The following PIK3R2 variants were observed in gnomAD, a reference collection of about 807,000 sequenced individuals.
The protein encoded by PIK3R2 is phosphatidylinositol 3-kinase regulatory subunit beta.
PIK3R2 carries 40 observed loss-of-function variants against 78.5 expected under a neutral mutation model. The observed-to-expected ratio is 0.51, with a 90% CI of 0.40 to 0.66. The LOEUF is 0.66. Among genes scored for constraint, PIK3R2 ranks in the 30% least tolerant of loss-of-function variants. The pLI, the probability that PIK3R2 is intolerant of heterozygous loss-of-function variation, is 0.00. For synonymous variants in PIK3R2, 473 were observed against 457.7 expected (o/e 1.03, Z -0.43); for missense variants, 880 against 1,026.6 (o/e 0.86, Z 1.95).
At chr19:18,157,235 A>G (rs1195191212) in intron 2 of PIK3R2, among the ~76,000 whole-genome samples, 1 of 152,210 alleles carries the variant, frequency 6.6e-6, no homozygotes, top group Non-Finnish European at 1.5e-5. Flanking sequence ...TCCAGGGCCC[A>G]GGCCTGCGTC....
Position 18,163,296 on chromosome 19 carries a change from G to A in PIK3R2, c.1324G>A (p.Val442Met), listed in dbSNP as rs2043772122. The A allele has an allele frequency of 6.2e-7, 1 of 1,614,118 alleles. No individual in the cohort carries two copies. Among genetic ancestry groups the A allele is most frequent in the South Asian group, 1.1e-5 (1 of 91,078 alleles). ...QIVKEDSVEA[V>M]GAQLKVYHQQ... ...TGTCAAGGAGGACAGCGTGGAGGCA[G>A]TGGGCGCCCAGCTTAAGGTCTATCA... Residue 442 changes from valine to methionine, a missense_variant, in exon 11 of 16, where the codon GTG becomes ATG. Coordinates refer to ENST00000222254, the MANE Select transcript of PIK3R2 (RefSeq NM_005027.4).
rs2043748698 is a variant in PIK3R2, at chr19:18,161,669, C to CAG, written c.815+176_815+177dup. 6.6e-6 allele frequency among the ~76,000 whole-genome samples: 1 copy of CAG among 152,180 alleles called. No homozygotes were observed. The highest frequency in any genetic ancestry group is 2.4e-5 in the African/African-American group (1 of 41,446). ...AGACCTGGGCTCCTGAGTCGTGGGA[C>CAG]AGAAGGTGAAGGGGCCTAGTCCCGA... On this transcript the variant is annotated intron_variant, in intron 6 of 15. Transcript: ENST00000222254. This position sits in a 1 kb window ranked among gnomAD's most constrained non-coding sequence, Gnocchi z 5.3.
rs1378344136 is a variant in PIK3R2, at chr19:18,161,775, T to C, written c.816-191T>C. 6.6e-6 allele frequency among the ~76,000 whole-genome samples: 1 copy of C among 152,162 alleles called. No homozygotes were observed. The highest frequency in any genetic ancestry group is 1.5e-5 in the Non-Finnish European group (1 of 68,018). ...TCTCTCGCTCGCCTTTGTGTGAGAA[T>C]CTATGGAGCACTTACTGCATACAGC... On this transcript the variant is annotated intron_variant, in intron 6 of 15. Transcript: ENST00000222254. This position sits in a 1 kb window ranked among gnomAD's most constrained non-coding sequence, Gnocchi z 5.3.
At chr19:18,159,587 G>A (rs1054424583) in intron 2 of PIK3R2, among the ~76,000 whole-genome samples, 3 of 149,384 alleles carry the variant, frequency 2.0e-5, no homozygotes, top group Non-Finnish European at 4.5e-5. Flanking sequence ...TTACAGGTGC[G>A]CACCACCACA....
Position 18,166,275 on chromosome 19 carries a change from G to A in PIK3R2, c.1532G>A (p.Arg511His), listed in dbSNP as rs566152147. Residue 511 changes from arginine to histidine, a missense_variant, in exon 12 of 16, where the codon CGT becomes CAT. Around this residue, in one of 3 missense-constraint regions of PIK3R2, gnomAD observed 156 missense variants for 241.0 expected, o/e 0.65. Coordinates refer to ENST00000222254, the MANE Select transcript of PIK3R2 (RefSeq NM_005027.4). ...CSKEYLERFR[R>H]EGNEKEMQRI... ...AAGGAATACCTGGAGCGCTTCCGGC[G>A]TGAGGGCAACGAGAAAGAGATGCAA... The A allele has an allele frequency of 1.9e-5, 30 of 1,614,028 alleles. No individual in the cohort carries two copies. Among genetic ancestry groups the A allele is most frequent in the Admixed American group, 8.3e-5 (5 of 60,000 alleles).
Position 18,155,967 on chromosome 19 carries a change from G to T in PIK3R2, c.88G>T (p.Val30Leu). The T allele has an allele frequency of 6.4e-7, 1 of 1,565,742 alleles. No individual in the cohort carries two copies. Among genetic ancestry groups the T allele is most frequent in the Non-Finnish European group, 8.7e-7 (1 of 1,155,690 alleles). The change falls in exon 2 of 16, where the codon GTG (valine) becomes TTG (leucine). Residue 30 changes from valine (V) to leucine (L), a missense_variant. This residue lies in a region of PIK3R2 where 456 missense variants were observed against 486.6 expected (regional missense o/e 0.94). Coordinates refer to ENST00000222254, the MANE Select transcript of PIK3R2 (RefSeq NM_005027.4). ...PEDLELLPGD[V>L]LVVSRAALQA... ...GGACCTGGAGCTGCTGCCCGGCGAC[G>T]TGCTGGTAGTGAGCCGGGCGGCCTT...
intron 2 of PIK3R2, among the ~76,000 whole-genome samples, chr19:18,159,144 CTTTTTT>C (rs57543686): frequency 4.0e-5 from 2 of 50,054 alleles, no homozygotes; most frequent in South Asian, 8.8e-4. Context: ...GCCTGGCCTC[CTTTTTT>C]TTTTTTTTTT....
rs1441575963 is a variant in PIK3R2, at chr19:18,162,460, C to T, written c.1063C>T (p.Arg355Ter). Residue 355 changes from arginine (R) to a stop codon, truncating the protein, a stop_gained, in exon 9 of 16, where the codon CGA becomes TGA. Transcript: ENST00000222254. LOFTEE classifies it high-confidence loss of function. ...CACTCCCGATGGCACCTTCCTAGTCCGAGATGCTTCTAGCAAGATCCAGGG... is the reference window on the plus strand; with the variant it reads ...CACTCCCGATGGCACCTTCCTAGTCTGAGATGCTTCTAGCAAGATCCAGGG... The part of the protein sequence containing the change: ...RDTPDGTFLV[R>*]DASSKIQGEY... The T allele has an allele frequency of 1.2e-6, 2 of 1,613,500 alleles. No individual in the cohort carries two copies. Among genetic ancestry groups the T allele is most frequent in the Non-Finnish European group, 8.5e-7 (1 of 1,179,986 alleles).
Position 18,161,432 on chromosome 19 carries a change from GGCC to G in PIK3R2, c.755_757del (p.Pro252del). 1 of 1,212,674 alleles carries G rather than the reference GGCC, an allele frequency of 8.2e-7. No individual in the cohort carries two copies. The highest frequency in any genetic ancestry group is 1.0e-6 in the Non-Finnish European group (1 of 977,888). 75.1% of individuals were successfully genotyped at this position (1,212,674 alleles called of 1,614,324 possible). The stretch of plus-strand genomic sequence containing the variant: ...GTCCGGGCCCTGGGCGCCACCTTTG[GGCC>G]GCTGCTGCTGCGCGCGCCGCCGCCG... On this transcript the variant is annotated inframe_deletion, in exon 6 of 16. Transcript: ENST00000222254. The surrounding 1 kb of genome is among the most constrained non-coding windows in gnomAD (Gnocchi z 5.3).
rs1406477985 is a variant in PIK3R2, at chr19:18,161,224, T to C, written c.598+39T>C. ...GTAGCCCGGGGGAAGGAGGGGGCTG[T>C]AGCGGGTGGGAGGGCCCAGGCCTGG... On this transcript the variant is annotated intron_variant, in intron 5 of 15. Coordinates refer to ENST00000222254, the MANE Select transcript of PIK3R2 (RefSeq NM_005027.4). The surrounding 1 kb of genome is among the most constrained non-coding windows in gnomAD (Gnocchi z 5.3). 2.6e-6 allele frequency: 4 copies of C among 1,523,834 alleles called. No homozygotes were observed. Among genetic ancestry groups the C allele is most frequent in the Non-Finnish European group, 2.6e-6 (3 of 1,137,852 alleles). The allele number at this position is 1,523,834 out of a possible 1,614,324, so 94.4% of individuals were successfully genotyped here.
Position 18,167,177 on chromosome 19 carries a change from A to T in PIK3R2, c.1607A>T (p.His536Leu), listed in dbSNP as rs1165040376. 11 of 1,609,560 alleles carry T rather than the reference A, an allele frequency of 6.8e-6. No individual in the cohort carries two copies. In the Admixed American group the frequency reaches 1.7e-4, roughly 25 times the overall value. The change falls in exon 13 of 16, where the codon CAT becomes CTT. Residue 536 changes from histidine (H) to leucine (L), a missense_variant. Coordinates refer to ENST00000222254, the MANE Select transcript of PIK3R2 (RefSeq NM_005027.4). This position sits in a 1 kb window ranked among gnomAD's most constrained non-coding sequence, Gnocchi z 4.5. Reference protein sequence around the residue: ...ERLKSRIAEIHESRTKLEQQL... With the variant: ...ERLKSRIAEILESRTKLEQQL... ...CTCAAGTCCCGCATTGCCGAGATCC[A>T]TGAGAGCCGCACGAAGCTGGAGCAG...
At chr19:18,166,391 A>C in intron 12 of PIK3R2, 89 bp downstream of exon 12, 1 of 1,127,560 alleles carries the variant, frequency 8.9e-7, no homozygotes, top group African/African-American at 1.5e-5. Context: ...GAGGCCAGCC[A>C]CTTGGAGGCA....
Position 18,162,958 on chromosome 19 carries a change from C to T in PIK3R2, c.1110-9C>T, listed in dbSNP as rs2147952759. 6.2e-7 allele frequency: 1 copy of T among 1,612,224 alleles called. No homozygotes were observed. Among genetic ancestry groups the T allele is most frequent in the Non-Finnish European group, 8.5e-7 (1 of 1,178,798 alleles). On this transcript the variant is annotated splice_polypyrimidine_tract_variant and intron_variant, in intron 9 of 15. Transcript: ENST00000222254. ...CCCACTGGGTGCCGACACCCCTCTC[C>T]TCCCCCAGGAAAGGCGGGAACAATA...
chr19:18,165,946 C>T (rs191041249), intron 11 of PIK3R2, among the ~76,000 whole-genome samples: 1 of 151,248 alleles, frequency 6.6e-6, no homozygotes, highest in African/African-American at 2.4e-5. Flanking sequence ...TTTGTGGATA[C>T]CTATAGGAGG....
chr19:18,167,408 CTTCCT>C lies in PIK3R2; in HGVS notation c.1736+103_1736+107del. 2 of 1,054,260 alleles carry C rather than the reference CTTCCT, an allele frequency of 1.9e-6. No homozygotes were observed. Among genetic ancestry groups the C allele is most frequent in the Non-Finnish European group, 2.6e-6 (2 of 764,856 alleles). The allele number at this position is 1,054,260 out of a possible 1,614,324, so 65.3% of individuals were successfully genotyped here. A position where few individuals can be genotyped will look rare whatever the true frequency, so the allele number is the denominator to read the frequency against. ...GTCTCTCTCTCTCCACCAAGTGGCCCTTCCTGGGCCCCGAGACCCCTTAAACTCGG... is the reference window on the plus strand; with the variant it reads ...GTCTCTCTCTCTCCACCAAGTGGCCCGGGCCCCGAGACCCCTTAAACTCGG... On this transcript the variant is annotated intron_variant, in intron 13 of 15. Coordinates refer to ENST00000222254, the MANE Select transcript of PIK3R2 (RefSeq NM_005027.4). The surrounding 1 kb of genome is among the most constrained non-coding windows in gnomAD (Gnocchi z 4.5).
intron 1 of PIK3R2, among the ~76,000 whole-genome samples, chr19:18,154,725 C>T (rs959320962): frequency 6.6e-6 from 1 of 152,030 alleles, no homozygotes; most frequent in Non-Finnish European, 1.5e-5. Context: ...ACTGCACGGC[C>T]CTAGATACCT....
intron 9 of PIK3R2, 115 bp downstream of exon 9, chr19:18,162,621 C>T (rs2043762144): frequency 1.2e-6 from 1 of 850,620 alleles, no homozygotes; most frequent in Non-Finnish European, 1.9e-6. Context: ...CGGTGGCTTA[C>T]ACCTGTAATC....
chr19:18,164,951 G>C (rs1055031843), intron 11 of PIK3R2, among the ~76,000 whole-genome samples: 23 of 150,092 alleles, frequency 1.5e-4, no homozygotes, highest in Admixed American at 1.2e-3. Flanking sequence ...AGGTAGGCCG[G>C]GCACAGTGAC....
rs756172410 is a variant in PIK3R2, at chr19:18,167,222, C to T, written c.1652C>T (p.Ser551Leu). 2.4e-5 allele frequency: 39 copies of T among 1,611,914 alleles called. No individual in the cohort carries two copies. The highest frequency in any genetic ancestry group is 4.5e-5 in the East Asian group (2 of 44,604). ...GAGCAGCAGCTGCGGGCCCAGGCCT[C>T]GGACAACAGAGAGATCGACAAGCGC... Reference protein sequence around the residue: ...KLEQQLRAQASDNREIDKRMN... With the variant: ...KLEQQLRAQALDNREIDKRMN... Residue 551 changes from serine (S) to leucine (L), a missense_variant, in exon 13 of 16, where the codon TCG becomes TTG. Ser to Leu is a moderately radical substitution (Grantham distance 145). Transcript: ENST00000222254. The surrounding 1 kb of genome is among the most constrained non-coding windows in gnomAD (Gnocchi z 4.5).
Sources: gnomAD v4.1 joint callset for allele counts (sites outside exome capture counted in the v4.1 genomes callset) on GRCh38, gnomAD v4.1.1 for gene constraint, gnomAD v4.1.1 regional missense constraint, Gnocchi (gnomAD v3.1) non-coding constraint, MANE v1.5 for transcripts, NCBI Gene and HGNC (gene_info 2026-07-23, HGNC 2026-07-21) for gene names.